The following RIOK2 variants were observed in gnomAD, a reference collection of about 807,000 sequenced individuals.
RIOK2 encodes the protein serine/threonine-protein kinase RIO2.
A neutral mutation model predicts 62.4 loss-of-function variants in RIOK2; 46 were observed. That is an observed-to-expected ratio of 0.74 (90% CI 0.58 to 0.94). The LOEUF (loss-of-function observed/expected upper bound fraction) is 0.94, where lower values mean the gene tolerates loss of function less well. Among genes scored for constraint, RIOK2 ranks in the 40% least tolerant of loss-of-function variants. The pLI is 0.00. For missense variants in RIOK2, 574 were observed against 658.0 expected (o/e 0.87, Z 1.40); for synonymous variants, 197 against 216.0 (o/e 0.91, Z 0.77).
chr5:97,181,287 GAA>G lies in RIOK2; in HGVS notation c.66+1837_66+1838del, dbSNP rs1222532673. Among the ~76,000 whole-genome samples the G allele has an allele frequency of 7.1e-5, 10 of 141,662 alleles. No individual in the cohort carries two copies. In the South Asian group the frequency reaches 1.4e-3, roughly 19 times the overall value. The allele number at this position is 141,662 out of a possible 152,430, so 92.9% of individuals were successfully genotyped here. On this transcript the variant is annotated intron_variant, in intron 1 of 9. Transcript: ENST00000283109. ...CTCCGTCTCAAAAAAAAAAAAAAAAGAAAGAGAGAAAATTAAATAGGAAAGGG... is the reference window on the plus strand; with the variant it reads ...CTCCGTCTCAAAAAAAAAAAAAAAAGAGAGAGAAAATTAAATAGGAAAGGG...
chr5:97,164,477 G>A (rs1468755989), intron 9 of RIOK2, among the ~76,000 whole-genome samples: 2 of 151,418 alleles, frequency 1.3e-5, no homozygotes, highest in African/African-American at 4.9e-5. Context: ...CTCTAGCCTG[G>A]ATGACCTCCG....
chr5:97,164,817 A>G (rs190262146), intron 9 of RIOK2: 2 of 331,990 alleles, frequency 6.0e-6, no homozygotes, highest in East Asian at 9.4e-5. Context: ...TTTACCAACA[A>G]AAAGTCATTT....
chr5:97,171,726 C>T (rs914510584), intron 5 of RIOK2, among the ~76,000 whole-genome samples: 5 of 152,120 alleles, frequency 3.3e-5, no homozygotes, highest in African/African-American at 1.2e-4. Context: ...CACTTCAAAC[C>T]AGTGAGTGAC....
chr5:97,176,988 C>A, intron 4 of RIOK2, 128 bp downstream of exon 4: 1 of 755,112 alleles, frequency 1.3e-6, no homozygotes. Context: ...AAGATTGAGT[C>A]TGTCTGTAGG....
chr5:97,177,725 C>A lies in RIOK2; in HGVS notation c.322+7G>T, dbSNP rs748175116. ...AAAATACTTTGCACAGTACTATTAG[C>A]ACTTACCTGATTCTTTGCCAACACC... On this transcript the variant is annotated splice_region_variant and intron_variant, in intron 3 of 9. Coordinates refer to ENST00000283109, the MANE Select transcript of RIOK2 (RefSeq NM_018343.3). 14 of 1,500,294 alleles carry A rather than the reference C, an allele frequency of 9.3e-6. 1 individual carries two copies. The South Asian group carries it at 1.5e-4, about 16-fold the overall frequency. The allele number at this position is 1,500,294 out of a possible 1,614,324, so 92.9% of individuals were successfully genotyped here.
rs748092692 is a variant in RIOK2 at position 97,177,312 on chromosome 5, ACAAC to A, written c.323-25_323-22del. 12 of 1,593,758 alleles carry A rather than the reference ACAAC, an allele frequency of 7.5e-6. No homozygotes were observed. The African/African-American group carries it at 1.6e-4, about 22-fold the overall frequency. On this transcript the variant is annotated intron_variant, in intron 3 of 9. Coordinates refer to ENST00000283109, the MANE Select transcript of RIOK2 (RefSeq NM_018343.3). ...AATATCTAGAGACAAAATTTCAAAA[ACAAC>A]CATTATTACACGTTTATTCCAATCA...
At position 97,177,310 on chromosome 5, in the gene RIOK2, AAAC is replaced by A. The variant is rs1245842025; in HGVS notation, c.323-22_323-20del. 2 of 1,595,558 alleles carry A rather than the reference AAAC, an allele frequency of 1.3e-6. No individual in the cohort carries two copies. The highest frequency in any genetic ancestry group is 2.2e-5 in the East Asian group (1 of 44,636). On this transcript the variant is annotated intron_variant, in intron 3 of 9. Transcript: ENST00000283109. ...TAAATATCTAGAGACAAAATTTCAA[AAAC>A]AACCATTATTACACGTTTATTCCAA... is the stretch of plus-strand genomic sequence containing the variant.
chr5:97,165,506 C>T (rs1008575405), intron 8 of RIOK2, among the ~76,000 whole-genome samples: 3 of 152,144 alleles, frequency 2.0e-5, no homozygotes, highest in African/African-American at 7.2e-5. Flanking sequence ...TTTTGAGACT[C>T]TTTCCACCTT....
chr5:97,175,346 A>G (rs1749136697), intron 4 of RIOK2, among the ~76,000 whole-genome samples: 1 of 152,342 alleles, frequency 6.6e-6, no homozygotes, highest in African/African-American at 2.4e-5. Context: ...TGATAAACTT[A>G]AAGATTGTGA....
In RIOK2 at chr5:97,177,713, C is replaced by G. The variant is rs1338398006; in HGVS notation, c.322+19G>C. The G allele has an allele frequency of 8.7e-6, 12 of 1,379,892 alleles. No homozygotes were observed. The African/African-American group carries it at 1.7e-4, about 20-fold the overall frequency. 85.5% of individuals were successfully genotyped at this position (1,379,892 alleles called of 1,614,324 possible). ...ACTAAAGCAAAGAAAATACTTTGCA[C>G]AGTACTATTAGCACTTACCTGATTC... On this transcript the variant is annotated intron_variant, in intron 3 of 9. Transcript: ENST00000283109.
At position 97,177,847 on chromosome 5, in the gene RIOK2, A is replaced by G; in HGVS notation, c.207T>C (p.Thr69=). Residue 69 remains threonine (T), a splice_region_variant and synonymous_variant, in exon 3 of 10, where the codon ACT becomes ACC. Transcript: ENST00000283109. Reference sequence around the variant, plus strand: ...CATTTGTCAACCGATAGCCCTGGACAGCTAGACAAAAATCAAAGCATAAAG... The same window carrying G: ...CATTTGTCAACCGATAGCCCTGGACGGCTAGACAAAAATCAAAGCATAAAG... The part of the protein sequence containing the change: ...HKLIAWERTK[T]VQGYRLTNAG... The G allele has an allele frequency of 6.3e-7, 1 of 1,597,524 alleles. No homozygotes were observed. Among genetic ancestry groups the G allele is most frequent in the Non-Finnish European group, 8.6e-7 (1 of 1,167,858 alleles).
At position 97,171,208 on chromosome 5, in the gene RIOK2, C is replaced by G; in HGVS notation, c.777G>C (p.Glu259Asp). The G allele has an allele frequency of 6.7e-7, 1 of 1,503,548 alleles. No individual in the cohort carries two copies. The highest frequency in any genetic ancestry group is 8.9e-7 in the Non-Finnish European group (1 of 1,124,852). The allele number at this position is 1,503,548 out of a possible 1,614,324, so 93.1% of individuals were successfully genotyped here. A position where few individuals can be genotyped will look rare whatever the true frequency, so the allele number is the denominator to read the frequency against. ...ATAAAAAAATAGCAAGTACGTACCA[C>G]TCAGCATTGGGATGAGAAGTTGAAA... ...QMVSTSHPNA[E>D]WYFDRDVKCI... The change falls in exon 6 of 10, where the codon GAG becomes GAC. Residue 259 changes from glutamate (E) to aspartate (D), a missense_variant and splice_region_variant. By Grantham distance (45) the Glu-to-Asp change is conservative. Transcript: ENST00000283109.
At chr5:97,178,993 A>G in intron 2 of RIOK2, 62 bp downstream of exon 2, 1 of 1,597,872 alleles carries the variant, frequency 6.3e-7, no homozygotes, top group Non-Finnish European at 8.6e-7. Context: ...GACTTTTGGA[A>G]CACTTGCTCT....
chr5:97,178,626 C>CT (rs1217182837), intron 2 of RIOK2, among the ~76,000 whole-genome samples: 1 of 138,548 alleles, frequency 7.2e-6, no homozygotes, highest in Non-Finnish European at 1.6e-5. Context: ...TTCTGCAGTA[C>CT]CTACGTGCTC....
chr5:97,183,105 CA>C lies in RIOK2; in HGVS notation c.66+20del. 6.2e-7 allele frequency: 1 copy of C among 1,613,862 alleles called. No individual in the cohort carries two copies. The highest frequency in any genetic ancestry group is 1.3e-5 in the African/African-American group (1 of 75,052). ...ACACAGTGTTAAGGGGAAGGGAGAA[CA>C]GGAACGGCGGGTTTCTTACCGCGGT... On this transcript the variant is annotated intron_variant, in intron 1 of 9. Transcript: ENST00000283109.
intron 4 of RIOK2, among the ~76,000 whole-genome samples, chr5:97,174,419 CAA>C (rs1047033415): frequency 1.4e-5 from 2 of 147,808 alleles, no homozygotes; most frequent in African/African-American, 5.2e-5. Context: ...GACTACACCT[CAA>C]AAAAAGTTTT....
Position 97,177,839 on chromosome 5 carries a change from C to G in RIOK2, c.215G>C (p.Gly72Ala), listed in dbSNP as rs770380850. Residue 72 changes from glycine (G) to alanine (A), a missense_variant, in exon 3 of 10, where the codon GGC becomes GCC. Coordinates refer to ENST00000283109, the MANE Select transcript of RIOK2 (RefSeq NM_018343.3). ...ATATCCTGCATTTGTCAACCGATAG[C>G]CCTGGACAGCTAGACAAAAATCAAA... ...IAWERTKTVQGYRLTNAGYDY... is the reference protein window; with the variant it reads ...IAWERTKTVQAYRLTNAGYDY... 1.4e-5 allele frequency: 22 copies of G among 1,606,966 alleles called. No homozygotes were observed. In the Admixed American group the frequency reaches 3.5e-4, roughly 26 times the overall value.
At chr5:97,167,400 T>A in intron 8 of RIOK2, 67 bp downstream of exon 8, 1 of 1,545,302 alleles carries the variant, frequency 6.5e-7, no homozygotes, top group East Asian at 2.3e-5. Flanking sequence ...AAACATTCTT[T>A]TACTAGAATC....
chr5:97,181,149 A>G lies in RIOK2; in HGVS notation c.67-1956T>C, dbSNP rs141843718. ...TAGCTGGGCGTGGTGGTGTGCGCCT[A>G]TAGTCCCAGCTACTTGGGAGGCTGA... On this transcript the variant is annotated intron_variant, in intron 1 of 9. Coordinates refer to ENST00000283109, the MANE Select transcript of RIOK2 (RefSeq NM_018343.3). 4.9e-3 allele frequency among the ~76,000 whole-genome samples: 742 copies of G among 151,702 alleles called. 5 individuals are homozygous for G. Among genetic ancestry groups the G allele is most frequent in the African/African-American group, 0.017 (687 of 41,390 alleles).
Sources: allele counts gnomAD v4.1 joint callset (sites outside exome capture counted in the v4.1 genomes callset), GRCh38; gene constraint gnomAD v4.1.1; transcripts MANE v1.5; gene names NCBI Gene and HGNC (gene_info 2026-07-23, HGNC 2026-07-21).